CLSTN2: variants seen among roughly 807,000 people sequenced by gnomAD.
CLSTN2 encodes the protein calsyntenin-2.
A neutral mutation model predicts 101.2 loss-of-function variants in CLSTN2; 48 were observed. The ratio of observed to expected loss-of-function variants is 0.47; its 90% CI spans 0.38 to 0.60. The LOEUF is 0.60. CLSTN2 is among the 20% of genes least tolerant of loss of function. CLSTN2 has a pLI of 0.00. For synonymous variants in CLSTN2, 481 were observed against 463.6 expected, an observed-to-expected ratio of 1.04 and a Z score of -0.48; for missense variants, 1,160 against 1,238.2, an observed-to-expected ratio of 0.94 and a Z score of 0.95.
chr3:140,226,111 G>A (rs1274748694), intron 2 of CLSTN2, among the ~76,000 whole-genome samples: 2 of 152,098 alleles, frequency 1.3e-5, no homozygotes, highest in Non-Finnish European at 2.9e-5. Context: ...AGAGAAAAAA[G>A]CCAATCCCAA....
At chr3:140,171,688 A>ATAT (rs2010222707) in intron 1 of CLSTN2, among the ~76,000 whole-genome samples, 1 of 484 alleles carries the variant, frequency 2.1e-3, no homozygotes, top group South Asian at 0.12. Flanking sequence ...TATATATAAT[A>ATAT]TATATTAATA....
intron 1 of CLSTN2, among the ~76,000 whole-genome samples, chr3:140,085,865 CG>C (rs1260566786): frequency 2.0e-5 from 3 of 152,100 alleles, no homozygotes; most frequent in Non-Finnish European, 4.4e-5. Context: ...GTGTATTCAC[CG>C]GATCCTATGC....
At chr3:140,423,357 CTCCAGTGCCCAGCACAG>C (rs1395880566) in intron 5 of CLSTN2, among the ~76,000 whole-genome samples, 24 of 152,202 alleles carry the variant, frequency 1.6e-4, no homozygotes, top group African/African-American at 5.8e-4. Context: ...GCCCAGCACA[CTCCAGTGCCCAGCACAG>C]AACCAGACAT....
intron 10 of CLSTN2, among the ~76,000 whole-genome samples, chr3:140,549,082 GT>G (rs1935659862): frequency 7.0e-6 from 1 of 142,668 alleles, no homozygotes; most frequent in African/African-American, 2.6e-5. Flanking sequence ...CTTCCTTAGG[GT>G]TTTGTCAATC....
intron 1 of CLSTN2, among the ~76,000 whole-genome samples, chr3:139,954,443 A>C (rs1935352228): frequency 6.6e-6 from 1 of 152,174 alleles, no homozygotes; most frequent in East Asian, 1.9e-4. Flanking sequence ...TGAGCCTGGC[A>C]GTGGTGGTGA....
intron 2 of CLSTN2, among the ~76,000 whole-genome samples, chr3:140,291,197 G>T (rs905502166): frequency 6.6e-6 from 1 of 152,060 alleles, no homozygotes; most frequent in African/African-American, 2.4e-5. Flanking sequence ...TATAGAAAGA[G>T]CCTGGCCCGA....
intron 1 of CLSTN2, among the ~76,000 whole-genome samples, chr3:140,073,790 G>C (rs1446960988): frequency 6.6e-6 from 1 of 152,204 alleles, no homozygotes; most frequent in Non-Finnish European, 1.5e-5. Flanking sequence ...GTTTAACTGT[G>C]GTTATTTACA....
At chr3:140,419,675 GTATATACGTA>G (rs1181048811) in intron 4 of CLSTN2, among the ~76,000 whole-genome samples, 1 of 57,878 alleles carries the variant, frequency 1.7e-5, no homozygotes, top group Non-Finnish European at 2.7e-5. Context: ...ATATGAATAT[GTATATACGTA>G]TATATACGTA....
intron 2 of CLSTN2, among the ~76,000 whole-genome samples, chr3:140,363,897 T>C (rs1165854941): frequency 1.3e-5 from 2 of 152,146 alleles, no homozygotes; most frequent in Admixed American, 6.5e-5. Flanking sequence ...TGAGGAGCAG[T>C]AGGAGGCAGG....
intron 1 of CLSTN2, among the ~76,000 whole-genome samples, chr3:140,010,595 G>T (rs547688954): frequency 2.6e-5 from 4 of 152,264 alleles, no homozygotes; most frequent in Non-Finnish European, 4.4e-5. Flanking sequence ...AGGGTCACAG[G>T]CTCCTCCATG....
intron 1 of CLSTN2, among the ~76,000 whole-genome samples, chr3:140,051,973 T>C (rs2008005407): frequency 6.6e-6 from 1 of 152,158 alleles, no homozygotes; most frequent in African/African-American, 2.4e-5. Flanking sequence ...GAGCTGCTGG[T>C]CTGGGAACCC....
Position 139,997,062 on chromosome 3 carries a change from A to AAG in CLSTN2, c.109+61580_109+61581insGA, listed in dbSNP as rs1553788984. Among the ~76,000 whole-genome samples the AAG allele has an allele frequency of 1.3e-3, 186 of 148,754 alleles. 1 individual carries two copies. Among genetic ancestry groups the AAG allele is most frequent in the African/African-American group, 2.3e-3 (92 of 40,808 alleles). ...GACTCTGTCTCAAAAAAAAAAAAAA[A>AAG]AAAAGAAAAGGAAATACCTGATCGT... is the stretch of plus-strand genomic sequence containing the variant. On this transcript the variant is annotated intron_variant, in intron 1 of 16. Coordinates refer to ENST00000458420, the MANE Select transcript of CLSTN2 (RefSeq NM_022131.3).
chr3:140,339,685 G>A (rs925207780), intron 2 of CLSTN2, among the ~76,000 whole-genome samples: 9 of 152,238 alleles, frequency 5.9e-5, no homozygotes, highest in East Asian at 1.9e-4. Flanking sequence ...AATTACATTC[G>A]CCCTGTGGTT....
At chr3:140,059,022 CA>C (rs150544670) in intron 1 of CLSTN2, among the ~76,000 whole-genome samples, 14,273 of 152,250 alleles carry the variant, frequency 0.094, 769 homozygotes, top group East Asian at 0.16. Flanking sequence ...AGAAGTTAGG[CA>C]TGTAAAGACC....
At chr3:140,345,944 G>A (rs1442783936) in intron 2 of CLSTN2, among the ~76,000 whole-genome samples, 2 of 152,116 alleles carry the variant, frequency 1.3e-5, no homozygotes, top group Non-Finnish European at 2.9e-5. Context: ...GGTTCAATAT[G>A]GTACACTTGG....
At chr3:140,483,460 T>G (rs535865979) in intron 8 of CLSTN2, among the ~76,000 whole-genome samples, 1 of 152,196 alleles carries the variant, frequency 6.6e-6, no homozygotes, top group African/African-American at 2.4e-5. Context: ...CTATTAGGTC[T>G]GCTTGGTGCA....
chr3:140,411,611 G>C (rs1414455174), intron 4 of CLSTN2, among the ~76,000 whole-genome samples: 2 of 152,216 alleles, frequency 1.3e-5, no homozygotes, highest in Admixed American at 6.5e-5. Flanking sequence ...AACAGCAGCA[G>C]AATATACAGT....
rs577947470 is a variant in CLSTN2, at chr3:140,324,132, T to A, written c.233-79497T>A. Reference sequence around the variant, plus strand: ...ATCTCTTCTATACCACCTTGAAAAGTACTGTGGGCACCTTAAACCTTCACT... The same window carrying A: ...ATCTCTTCTATACCACCTTGAAAAGAACTGTGGGCACCTTAAACCTTCACT... On this transcript the variant is annotated intron_variant, in intron 2 of 16. Transcript: ENST00000458420. 2.0e-5 allele frequency among the ~76,000 whole-genome samples: 3 copies of A among 152,346 alleles called. No individual in the cohort carries two copies. The East Asian group carries it at 5.8e-4, about 29-fold the overall frequency.
chr3:140,230,953 G>A (rs6439903), intron 2 of CLSTN2, among the ~76,000 whole-genome samples: 80,307 of 152,026 alleles, frequency 0.53, 21,892 homozygotes, highest in East Asian at 0.88. Flanking sequence ...CACTGGCAGC[G>A]TGAGGTCAGC....
Sources: gnomAD v4.1 joint callset for allele counts (sites outside exome capture counted in the v4.1 genomes callset) on GRCh38, gnomAD v4.1.1 for gene constraint, MANE v1.5 for transcripts, NCBI Gene and HGNC (gene_info 2026-07-23, HGNC 2026-07-21) for gene names.